The following IGSF11 variants were observed in gnomAD, a reference collection of about 807,000 sequenced individuals.
The protein encoded by IGSF11 is CXADR like 1.
In IGSF11, 22 loss-of-function variants were observed where a neutral mutation model predicts 41.0. That is an observed-to-expected ratio of 0.54 (90% CI 0.38 to 0.77). The LOEUF (loss-of-function observed/expected upper bound fraction) is 0.77, where lower values mean the gene tolerates loss of function less well. IGSF11 is among the 30% of genes least tolerant of loss of function. The pLI, the probability that IGSF11 is intolerant of heterozygous loss-of-function variation, is 0.00. For missense variants in IGSF11, 444 were observed against 530.8 expected, an observed-to-expected ratio of 0.84 and a Z score of 1.61; for synonymous variants, 219 against 201.3, an observed-to-expected ratio of 1.09 and a Z score of -0.74.
intron 4 of IGSF11, among the ~76,000 whole-genome samples, chr3:118,918,849 C>A (rs1322693931): frequency 1.7e-4 from 23 of 134,232 alleles, no homozygotes; most frequent in South Asian, 2.7e-4. Context: ...CACTACCTGA[C>A]TTCAAACTAT....
chr3:118,977,771 C>T (rs754975873), intron 1 of IGSF11, among the ~76,000 whole-genome samples: 1 of 152,092 alleles, frequency 6.6e-6, no homozygotes, highest in East Asian at 1.9e-4. Context: ...CCCTAGAAAC[C>T]ACACGAAGGC....
At chr3:119,130,700 G>A (rs967689132) in intron 1 of IGSF11, among the ~76,000 whole-genome samples, 10 of 151,984 alleles carry the variant, frequency 6.6e-5, no homozygotes, top group Non-Finnish European at 1.3e-4. Flanking sequence ...TCTGAAGAGA[G>A]CAGTGATTCT....
intron 1 of IGSF11, among the ~76,000 whole-genome samples, chr3:118,959,402 A>C (rs911168268): frequency 3.9e-5 from 6 of 152,232 alleles, no homozygotes; most frequent in Non-Finnish European, 1.5e-5. Flanking sequence ...GAGAAGAATA[A>C]ACAGCAAGGA....
At chr3:118,929,702 T>C (rs1336947448) in intron 2 of IGSF11, among the ~76,000 whole-genome samples, 1 of 152,192 alleles carries the variant, frequency 6.6e-6, no homozygotes, top group Non-Finnish European at 1.5e-5. Flanking sequence ...TGGCTAGTCA[T>C]GTTTTACTTT....
At chr3:118,960,771 G>A (rs1467220869) in intron 1 of IGSF11, among the ~76,000 whole-genome samples, 2 of 152,036 alleles carry the variant, frequency 1.3e-5, no homozygotes, top group East Asian at 3.9e-4. Context: ...TTTTTTGGCA[G>A]GGGTTAATTT....
In IGSF11 at chr3:118,910,655, T is replaced by C. The variant is rs1007113024; in HGVS notation, c.581-4937A>G. On this transcript the variant is annotated intron_variant, in intron 4 of 6. Transcript: ENST00000393775. Reference sequence around the variant, plus strand: ...AAAGATAACATCCAAACTCCTTGCATATTATATAAAGCCTTTCACAATCTG... The same window carrying C: ...AAAGATAACATCCAAACTCCTTGCACATTATATAAAGCCTTTCACAATCTG... Among the ~76,000 whole-genome samples, 5 of 152,290 alleles carry C rather than the reference T, an allele frequency of 3.3e-5. 1 individual carries two copies. The highest frequency in any genetic ancestry group is 1.9e-4 in the East Asian group (1 of 5,186).
chr3:119,039,514 T>C (rs1941036832), upstream of IGSF11, among the ~76,000 whole-genome samples: 1 of 152,204 alleles, frequency 6.6e-6, no homozygotes, highest in African/African-American at 2.4e-5. Context: ...GCAACGTTAA[T>C]TCCCCTTTGC....
chr3:118,935,273 A>G (rs1190860120), intron 1 of IGSF11, among the ~76,000 whole-genome samples: 1 of 142,400 alleles, frequency 7.0e-6, no homozygotes, highest in Non-Finnish European at 1.5e-5. Context: ...ATATACACAC[A>G]CCCTGAGGAA....
intron 1 of IGSF11, among the ~76,000 whole-genome samples, chr3:119,060,790 C>T (rs1031399830): frequency 5.3e-5 from 8 of 152,130 alleles, no homozygotes; most frequent in Non-Finnish European, 1.2e-4. Flanking sequence ...AAACTGATAA[C>T]CTTTCTGCTA....
rs368518374 is a variant in IGSF11, at chr3:118,993,536, A to T, written c.52+40995T>A. Reference sequence around the variant, plus strand: ...TGCAAGATAAATAAAAACATATCACATAAAAACTTTTACCTATATTTATAG... The same window carrying T: ...TGCAAGATAAATAAAAACATATCACTTAAAAACTTTTACCTATATTTATAG... On this transcript the variant is annotated intron_variant, in intron 1 of 6. Transcript: ENST00000393775. Among the ~76,000 whole-genome samples, 5 of 152,234 alleles carry T rather than the reference A, an allele frequency of 3.3e-5. No homozygotes were observed. In the East Asian group the frequency reaches 5.8e-4, roughly 18 times the overall value.
chr3:119,098,797 T>C (rs1215790163), intron 1 of IGSF11, among the ~76,000 whole-genome samples: 4 of 152,244 alleles, frequency 2.6e-5, no homozygotes, highest in Admixed American at 6.5e-5. Context: ...GAGTCAATTA[T>C]GAATCTTTGC....
Position 118,904,775 on chromosome 3 carries a change from T to C in IGSF11, c.727A>G (p.Ile243Val), listed in dbSNP as rs1366947970. Residue 243 changes from isoleucine to valine, a missense_variant, in exon 6 of 7, where the codon ATA becomes GTA. Around this residue, in one of 3 missense-constraint regions of IGSF11, gnomAD observed 193 missense variants for 283.5 expected, o/e 0.68. Transcript: ENST00000393775. ...GCACCAGTGCCAATGGCTCCAGCTA[T>C]TAGTCCAATGTTCCTGGGCTGGGCT... is the stretch of plus-strand genomic sequence containing the variant. Reference protein sequence around the residue: ...ISPQPRNIGLIAGAIGTGAVI... With the variant: ...ISPQPRNIGLVAGAIGTGAVI... 1 of 1,612,258 alleles carries C rather than the reference T, an allele frequency of 6.2e-7. No individual in the cohort carries two copies. Among genetic ancestry groups the C allele is most frequent in the Non-Finnish European group, 8.5e-7 (1 of 1,179,448 alleles).
intron 1 of IGSF11, among the ~76,000 whole-genome samples, chr3:119,060,235 T>C (rs1942009753): frequency 6.6e-6 from 1 of 152,210 alleles, no homozygotes; most frequent in Non-Finnish European, 1.5e-5. Context: ...TGTGAAATTC[T>C]TGTCTTTCCA....
intron 1 of IGSF11, among the ~76,000 whole-genome samples, chr3:119,127,619 G>T (rs1299196754): frequency 6.6e-6 from 1 of 152,042 alleles, no homozygotes; most frequent in Non-Finnish European, 1.5e-5. Context: ...CTCCAAAGTC[G>T]AAATGAAGGA....
intron 1 of IGSF11, among the ~76,000 whole-genome samples, chr3:119,062,064 G>A (rs1942070566): frequency 6.6e-6 from 1 of 151,994 alleles, no homozygotes; most frequent in African/African-American, 2.4e-5. Context: ...TACTTCACAG[G>A]TTATTAGAAT....
intron 1 of IGSF11, among the ~76,000 whole-genome samples, chr3:118,939,551 G>T (rs565491457): frequency 3.6e-4 from 54 of 150,414 alleles, no homozygotes; most frequent in African/African-American, 1.1e-3. Flanking sequence ...ACTCTAGCCT[G>T]GGTGACAGAG....
At chr3:119,113,474 C>G (rs1239397266) in intron 1 of IGSF11, among the ~76,000 whole-genome samples, 1 of 152,206 alleles carries the variant, frequency 6.6e-6, no homozygotes, top group Non-Finnish European at 1.5e-5. Context: ...GGATGACACT[C>G]ATTAAATCTT....
intron 1 of IGSF11, among the ~76,000 whole-genome samples, chr3:119,032,303 C>A (rs1940480228): frequency 6.6e-6 from 1 of 152,062 alleles, no homozygotes; most frequent in Non-Finnish European, 1.5e-5. Context: ...TGGGGATGAG[C>A]CATAATTCAT....
intron 1 of IGSF11, among the ~76,000 whole-genome samples, chr3:118,963,792 A>T (rs1435915788): frequency 6.6e-6 from 1 of 152,178 alleles, no homozygotes; most frequent in African/African-American, 2.4e-5. Flanking sequence ...AGAGACAGAG[A>T]ATCAATGTTT....
Sources: gnomAD v4.1 joint callset for allele counts (sites outside exome capture counted in the v4.1 genomes callset) on GRCh38, gnomAD v4.1.1 for gene constraint, gnomAD v4.1.1 regional missense constraint, MANE v1.5 for transcripts, NCBI Gene and HGNC (gene_info 2026-07-23, HGNC 2026-07-21) for gene names.